Variants in PRIMPOL observed in about 807,000 individuals in gnomAD.
PRIMPOL encodes the protein DNA-directed primase/polymerase protein.
Under a neutral mutation model 63.6 loss-of-function variants are expected in PRIMPOL, and 54 were observed. The observed-to-expected ratio is 0.85, with a 90% CI of 0.68 to 1.07. The LOEUF is 1.07. PRIMPOL is among the 50% of genes least tolerant of loss of function. The pLI is 0.00. For synonymous variants in PRIMPOL, 197 were observed against 220.2 expected, an observed-to-expected ratio of 0.89 and a Z score of 0.93; for missense variants, 610 against 648.3, an observed-to-expected ratio of 0.94 and a Z score of 0.64.
At chr4:184,659,237 T>C in intron 3 of PRIMPOL, 103 bp from the exon 4 acceptor site, 1 of 822,542 alleles carries the variant, frequency 1.2e-6, no homozygotes, top group South Asian at 1.5e-5. Flanking sequence ...TTACAGTTTC[T>C]GAAAACTTGA....
At position 184,694,802 on chromosome 4, in the gene PRIMPOL, G is replaced by T. The variant is rs561146556; in HGVS notation, c.*23G>T. ...TAACTAATTCACTATGAACACTTTT[G>T]TCACCAGGCTATAATTTGCCTGATG... On this transcript the variant is annotated 3_prime_UTR_variant, in exon 14 of 14. Coordinates refer to ENST00000314970, the MANE Select transcript of PRIMPOL (RefSeq NM_152683.4). 1 of 1,581,734 alleles carries T rather than the reference G, an allele frequency of 6.3e-7. No homozygotes were observed. Among genetic ancestry groups the T allele is most frequent in the Non-Finnish European group, 8.7e-7 (1 of 1,153,728 alleles).
In PRIMPOL at chr4:184,682,273, A is replaced by C. The variant is rs1251037526; in HGVS notation, c.1033A>C (p.Thr345Pro). 1 of 1,600,612 alleles carries C rather than the reference A, an allele frequency of 6.2e-7. No homozygotes were observed. Among genetic ancestry groups the C allele is most frequent in the South Asian group, 1.1e-5 (1 of 90,404 alleles). ...VRFSDTLRIL[T>P]CEPSQNKQKG... ...GTTCTCAGATACTTTACGAATTCTT[A>C]CATGTGAGCCATCTCAGAATAAACA... The change falls in exon 9 of 14, where the codon ACA (threonine) becomes CCA (proline). Residue 345 changes from threonine (T) to proline (P), a missense_variant. By Grantham distance (38) the Thr-to-Pro change is conservative. Transcript: ENST00000314970.
chr4:184,674,727 G>A (rs779381758), intron 7 of PRIMPOL, among the ~76,000 whole-genome samples: 2 of 152,176 alleles, frequency 1.3e-5, no homozygotes, highest in Non-Finnish European at 2.9e-5. Context: ...AGTGAAGTAA[G>A]CTAAAGAAAA....
At chr4:184,650,886 A>C (rs953351150) in intron 1 of PRIMPOL, among the ~76,000 whole-genome samples, 2 of 152,192 alleles carry the variant, frequency 1.3e-5, no homozygotes, top group African/African-American at 4.8e-5. Context: ...AGTTTATTGC[A>C]TGCTTTTACA....
chr4:184,678,324 T>G lies in PRIMPOL; in HGVS notation c.937T>G (p.Phe313Val), dbSNP rs770004543. 5 of 1,609,234 alleles carry G rather than the reference T, an allele frequency of 3.1e-6. No homozygotes were observed. In the South Asian group the frequency reaches 5.6e-5, roughly 18 times the overall value. Residue 313 changes from phenylalanine (F) to valine (V), a missense_variant, in exon 8 of 14, where the codon TTT becomes GTT. Phe to Val is a conservative substitution (Grantham distance 50). Around this residue, in one of 3 missense-constraint regions of PRIMPOL, gnomAD observed 444 missense variants for 456.4 expected, o/e 0.97. Coordinates refer to ENST00000314970, the MANE Select transcript of PRIMPOL (RefSeq NM_152683.4). ...GGAGGTTACTGAAGATAACAAATTT[T>G]TTCCTATACAGTCAAAAGATGTTTC... is the stretch of plus-strand genomic sequence containing the variant. Reference protein sequence around the residue: ...ALEVTEDNKFFPIQSKDVSDE... With the variant: ...ALEVTEDNKFVPIQSKDVSDE...
Position 184,659,443 on chromosome 4 carries a change from T to C in PRIMPOL, c.278+6T>C, listed in dbSNP as rs538334670. 2 of 1,580,310 alleles carry C rather than the reference T, an allele frequency of 1.3e-6. No individual in the cohort carries two copies. The highest frequency in any genetic ancestry group is 2.2e-5 in the East Asian group (1 of 44,694). On this transcript the variant is annotated splice_donor_region_variant and intron_variant, in intron 4 of 13. Coordinates refer to ENST00000314970, the MANE Select transcript of PRIMPOL (RefSeq NM_152683.4). ...TGGTTTTACTATAAATCCAGGTAGG[T>C]AGCATGCAGCAGAACCACACATTAA...
chr4:184,658,898 ACT>A (rs35742478), intron 3 of PRIMPOL, among the ~76,000 whole-genome samples: 4,401 of 141,094 alleles, frequency 0.031, 228 homozygotes, highest in African/African-American at 0.11. Flanking sequence ...ACAGAGCAAG[ACT>A]CTGTTTCAAA....
At chr4:184,693,656 G>A (rs55685500) in intron 13 of PRIMPOL, among the ~76,000 whole-genome samples, 18,507 of 152,108 alleles carry the variant, frequency 0.12, 1,334 homozygotes, top group Middle Eastern at 0.17. Flanking sequence ...CTACAGAAAT[G>A]TACAAGAATA....
chr4:184,683,647 T>C (rs1756249830), intron 9 of PRIMPOL, among the ~76,000 whole-genome samples: 1 of 152,210 alleles, frequency 6.6e-6, no homozygotes, highest in Non-Finnish European at 1.5e-5. Context: ...TCCTCAGTCT[T>C]TTAATGGTTG....
intron 4 of PRIMPOL, among the ~76,000 whole-genome samples, chr4:184,661,125 T>TC (rs1015610909): frequency 3.3e-5 from 5 of 152,184 alleles, no homozygotes; most frequent in African/African-American, 4.8e-5. Context: ...ACATTTTTTT[T>TC]CAAAGAAAAT....
At chr4:184,667,568 C>T (rs1579397293) in intron 6 of PRIMPOL, among the ~76,000 whole-genome samples, 1 of 152,152 alleles carries the variant, frequency 6.6e-6, no homozygotes, top group East Asian at 1.9e-4. Context: ...CCTTGGCCTC[C>T]CAAAGTGCTG....
At chr4:184,684,426 A>C (rs923277363) in intron 9 of PRIMPOL, among the ~76,000 whole-genome samples, 1 of 146,064 alleles carries the variant, frequency 6.8e-6, no homozygotes, top group Non-Finnish European at 1.5e-5. Context: ...ACTGCACTCC[A>C]GCCTGGGCAA....
chr4:184,665,681 T>C (rs1023318173), intron 5 of PRIMPOL, among the ~76,000 whole-genome samples: 1 of 151,386 alleles, frequency 6.6e-6, no homozygotes, highest in Non-Finnish European at 1.5e-5. Flanking sequence ...ATTTTTATGG[T>C]TTTAGTAGAG....
At chr4:184,659,517 G>C (rs1747661805) in intron 4 of PRIMPOL, 80 bp downstream of exon 4, 2 of 978,858 alleles carry the variant, frequency 2.0e-6, no homozygotes, top group African/African-American at 3.2e-5. Context: ...AATTAGTTCA[G>C]GCTGAATTGG....
At chr4:184,683,569 C>A (rs1756223480) in intron 9 of PRIMPOL, among the ~76,000 whole-genome samples, 2 of 152,198 alleles carry the variant, frequency 1.3e-5, no homozygotes, top group African/African-American at 4.8e-5. Flanking sequence ...GGCAGGTAAC[C>A]ACTGCAATCA....
intron 6 of PRIMPOL, among the ~76,000 whole-genome samples, chr4:184,667,519 C>T (rs570158271): frequency 6.6e-6 from 1 of 152,270 alleles, no homozygotes; most frequent in African/African-American, 2.4e-5. Flanking sequence ...ACCAGGTTAG[C>T]CAGGATGGTC....
chr4:184,661,920 A>C lies in PRIMPOL; in HGVS notation c.408+17A>C. 6.6e-7 allele frequency: 1 copy of C among 1,509,232 alleles called. No homozygotes were observed. The highest frequency in any genetic ancestry group is 8.8e-7 in the Non-Finnish European group (1 of 1,132,018). The allele number at this position is 1,509,232 out of a possible 1,614,324, so 93.5% of individuals were successfully genotyped here. A position where few individuals can be genotyped will look rare whatever the true frequency, so the allele number is the denominator to read the frequency against. On this transcript the variant is annotated intron_variant, in intron 5 of 13. Transcript: ENST00000314970. ...CTCATTGAGGTAAATGGCCAACTCA[A>C]GTTTTTCTTATTTCTATCCATCTCT...
At chr4:184,650,822 G>A (rs528671777) in intron 1 of PRIMPOL, among the ~76,000 whole-genome samples, 3 of 152,280 alleles carry the variant, frequency 2.0e-5, no homozygotes, top group Non-Finnish European at 4.4e-5. Context: ...CGACTATAGG[G>A]ACTATATTCT....
chr4:184,658,364 G>A (rs989381113), intron 3 of PRIMPOL, among the ~76,000 whole-genome samples: 14 of 152,302 alleles, frequency 9.2e-5, no homozygotes, highest in African/African-American at 3.1e-4. Context: ...AAAAGATATA[G>A]ATAGGGGTAT....
Sources: gnomAD v4.1 joint callset for allele counts (sites outside exome capture counted in the v4.1 genomes callset) on GRCh38, gnomAD v4.1.1 for gene constraint, gnomAD v4.1.1 regional missense constraint, MANE v1.5 for transcripts, NCBI Gene and HGNC (gene_info 2026-07-23, HGNC 2026-07-21) for gene names.